Variants in ATXN3 observed in about 807,000 individuals in gnomAD.
ATXN3 encodes ataxin 3.
Under a neutral mutation model 58.2 loss-of-function variants are expected in ATXN3, and 28 were observed. The ratio of observed to expected loss-of-function variants is 0.48; its 90% CI spans 0.36 to 0.66. ATXN3 has a LOEUF of 0.66. Ranked by LOEUF, ATXN3 falls within the 30% of genes least tolerant of loss-of-function variation. The pLI is 0.00. For synonymous variants in ATXN3, 113 were observed against 138.5 expected (o/e 0.82, Z 1.29); for missense variants, 321 against 422.1 (o/e 0.76, Z 2.10).
intron 1 of ATXN3, among the ~76,000 whole-genome samples, chr14:92,049,433 T>C (rs529297400): frequency 4.6e-5 from 7 of 152,268 alleles, no homozygotes; most frequent in African/African-American, 1.7e-4. Context: ...GAGAAGACTG[T>C]CTTCTTGAGT....
chr14:92,068,652 G>A (rs953514149), intron 10 of ATXN3, among the ~76,000 whole-genome samples: 8 of 151,818 alleles, frequency 5.3e-5, no homozygotes, highest in Non-Finnish European at 1.2e-4. Context: ...GTGCAATGGT[G>A]CAATCTCAGC....
At position 92,074,305 on chromosome 14, in the gene ATXN3, C is replaced by T. The variant is rs141580377; in HGVS notation, c.873-3252G>A. Reference sequence around the variant, plus strand: ...TCACACTACTGCACTCCAGCCTGGGCGACAGACAAGACTCCGTCTCAAAAA... The same window carrying T: ...TCACACTACTGCACTCCAGCCTGGGTGACAGACAAGACTCCGTCTCAAAAA... On this transcript the variant is annotated intron_variant, in intron 9 of 10. Transcript: ENST00000644486. Among the ~76,000 whole-genome samples the T allele has an allele frequency of 9.6e-3, 1,463 of 152,084 alleles. 17 individuals are homozygous for T. The highest frequency in any genetic ancestry group is 0.024 in the Middle Eastern group (7 of 292).
chr14:92,050,500 G>A (rs1210316812), upstream of ATXN3: 1 of 152,318 alleles, frequency 6.6e-6, no homozygotes, highest in Non-Finnish European at 1.5e-5. Flanking sequence ...GTGGCTACAG[G>A]TGGTGGGATC....
rs555548105 is a variant in ATXN3 at position 92,082,547 on chromosome 14, C to T, written c.609-81G>A. ...CATAAAGGCATTTGTAATGTAAAGG[C>T]TTTAAGTAAGTCAAAACTTAAAATG... is the stretch of plus-strand genomic sequence containing the variant. On this transcript the variant is annotated intron_variant, in intron 7 of 10. Coordinates refer to ENST00000644486, the MANE Select transcript of ATXN3 (RefSeq NM_004993.6). The T allele has an allele frequency of 2.8e-4, 362 of 1,299,182 alleles. 1 individual carries two copies. Among genetic ancestry groups the T allele is most frequent in the Admixed American group, 4.2e-4 (17 of 40,268 alleles). 80.5% of individuals were successfully genotyped at this position (1,299,182 alleles called of 1,614,324 possible). A position where few individuals can be genotyped will look rare whatever the true frequency, so the allele number is the denominator to read the frequency against.
chr14:92,054,801 C>T (rs940514072), downstream of ATXN3, among the ~76,000 whole-genome samples: 8 of 152,150 alleles, frequency 5.3e-5, no homozygotes, highest in East Asian at 1.9e-4. Flanking sequence ...CATCCCCGGA[C>T]TGGCAGTCTC....
At position 92,045,243 on chromosome 14, in the gene ATXN3, T is replaced by G. The variant is rs543926841; in HGVS notation, n.277-285A>C. On this transcript the variant is annotated intron_variant and non_coding_transcript_variant, in intron 2 of 2. Transcript: ENST00000564606. Reference sequence around the variant, plus strand: ...GACCATTAGTCCGTTCTACCTTTCCTGAAGATTGAGGACGGTAAGGGGTAT... The same window carrying G: ...GACCATTAGTCCGTTCTACCTTTCCGGAAGATTGAGGACGGTAAGGGGTAT... 4.6e-5 allele frequency among the ~76,000 whole-genome samples: 7 copies of G among 152,256 alleles called. No homozygotes were observed. The East Asian group carries it at 1.2e-3, about 25-fold the overall frequency.
intron 3 of ATXN3, 113 bp downstream of exon 3, chr14:92,095,980 A>G (rs1207330709): frequency 6.8e-6 from 6 of 887,992 alleles, no homozygotes; most frequent in African/African-American, 1.7e-5. Context: ...TATAATCTAT[A>G]CTCTGTAGAC....
chr14:92,083,153 T>C lies in ATXN3; in HGVS notation c.581A>G (p.Glu194Gly), dbSNP rs1422280809. ...QQMHRPKLIGEELAQLKEQRV... is the reference protein window; with the variant it reads ...QQMHRPKLIGGELAQLKEQRV... ...TTGCTCTTTTAGTTGTGCTAATTCTTCTCCAATAAGTTTTGGTCGATGCAT... is the reference window on the plus strand; with the variant it reads ...TTGCTCTTTTAGTTGTGCTAATTCTCCTCCAATAAGTTTTGGTCGATGCAT... Residue 194 changes from glutamate (E) to glycine (G), a missense_variant, in exon 7 of 11, where the codon GAA (glutamate) becomes GGA (glycine). Transcript: ENST00000644486. The C allele has an allele frequency of 1.9e-6, 3 of 1,612,910 alleles. No homozygotes were observed. The highest frequency in any genetic ancestry group is 2.5e-6 in the Non-Finnish European group (3 of 1,179,746).
chr14:92,067,127 C>T (rs2058597701), intron 10 of ATXN3, among the ~76,000 whole-genome samples: 1 of 151,728 alleles, frequency 6.6e-6, no homozygotes, highest in African/African-American at 2.4e-5. Flanking sequence ...TCCTTCTGGC[C>T]TTTATGATCT....
upstream of ATXN3, chr14:92,050,678 TCTCA>T (rs781589833): frequency 2.6e-5 from 4 of 152,258 alleles, no homozygotes; most frequent in Non-Finnish European, 4.4e-5. Flanking sequence ...TGAGACGGAG[TCTCA>T]CTGTGTCACC....
chr14:92,106,228 T>C (rs2068319913), intron 1 of ATXN3, among the ~76,000 whole-genome samples: 1 of 152,026 alleles, frequency 6.6e-6, no homozygotes, highest in Admixed American at 6.5e-5. Flanking sequence ...CGATGGAAAG[T>C]GACGGAGAAA....
chr14:92,093,820 A>G lies in ATXN3; in HGVS notation c.246T>C (p.Asn82=). ...GTTCTAAACCCCAAACTTTCAAGGCATTGCTTATAACCTGTTAAGAAAAAT... is the reference window on the plus strand; with the variant it reads ...GTTCTAAACCCCAAACTTTCAAGGCGTTGCTTATAACCTGTTAAGAAAAAT... The part of the protein sequence containing the change: ...SGFFSIQVIS[N]ALKVWGLELI... The change falls in exon 4 of 11, where the codon AAT becomes AAC. Residue 82 remains asparagine, a synonymous_variant. Coordinates refer to ENST00000644486, the MANE Select transcript of ATXN3 (RefSeq NM_004993.6). 1.2e-6 allele frequency: 2 copies of G among 1,608,246 alleles called. No individual in the cohort carries two copies. Among genetic ancestry groups the G allele is most frequent in the South Asian group, 1.1e-5 (1 of 90,970 alleles).
At chr14:92,086,994 T>C (rs988543513) in intron 6 of ATXN3, among the ~76,000 whole-genome samples, 1 of 152,086 alleles carries the variant, frequency 6.6e-6, no homozygotes, top group African/African-American at 2.4e-5. Flanking sequence ...TATAAGCAAA[T>C]TGATAAATTT....
chr14:92,091,950 C>A (rs921073510), intron 5 of ATXN3, among the ~76,000 whole-genome samples: 1 of 151,982 alleles, frequency 6.6e-6, no homozygotes, highest in African/African-American at 2.4e-5. Flanking sequence ...CCTGCCTTGG[C>A]CTCCAAAAGT....
intron 6 of ATXN3, among the ~76,000 whole-genome samples, chr14:92,085,756 G>C (rs921165290): frequency 6.6e-6 from 1 of 152,200 alleles, no homozygotes; most frequent in Non-Finnish European, 1.5e-5. Context: ...AAAGCTAGGA[G>C]TTAGTCAAAG....
At chr14:92,087,589 A>G (rs1221169888) in intron 6 of ATXN3, among the ~76,000 whole-genome samples, 1 of 152,236 alleles carries the variant, frequency 6.6e-6, no homozygotes, top group East Asian at 1.9e-4. Flanking sequence ...TGGTTTAACC[A>G]GGGTTGAGAT....
chr14:92,099,114 C>T (rs566035233), intron 1 of ATXN3, among the ~76,000 whole-genome samples: 10 of 152,322 alleles, frequency 6.6e-5, no homozygotes, highest in African/African-American at 2.4e-4. Context: ...GATGAGAGAA[C>T]ATTTCCTTCT....
intron 6 of ATXN3, among the ~76,000 whole-genome samples, chr14:92,085,439 T>C (rs1018075514): frequency 3.3e-5 from 5 of 152,106 alleles, no homozygotes; most frequent in Non-Finnish European, 7.4e-5. Context: ...ATCTGCCCCC[T>C]CATCCTCCCA....
intron 1 of ATXN3, among the ~76,000 whole-genome samples, chr14:92,103,679 C>T (rs1290080248): frequency 6.6e-6 from 1 of 152,206 alleles, no homozygotes; most frequent in Non-Finnish European, 1.5e-5. Context: ...GCCAGGCCCT[C>T]TCTCAGGCAC....
Sources: allele counts gnomAD v4.1 joint callset (sites outside exome capture counted in the v4.1 genomes callset), GRCh38; gene constraint gnomAD v4.1.1; transcripts MANE v1.5; gene names NCBI Gene and HGNC (gene_info 2026-07-23, HGNC 2026-07-21).